The following ST6GALNAC3 variants were observed in gnomAD, a reference collection of about 807,000 sequenced individuals.
ST6GALNAC3 encodes ST6 N-acetylgalactosaminide alpha-2,6-sialyltransferase 3.
In ST6GALNAC3, 25 loss-of-function variants were observed where a neutral mutation model predicts 32.7. The ratio of observed to expected loss-of-function variants is 0.76; its 90% CI spans 0.56 to 1.07. The LOEUF (loss-of-function observed/expected upper bound fraction) is 1.07, where lower values mean the gene tolerates loss of function less well. Ranked by LOEUF, ST6GALNAC3 falls within the 50% of genes least tolerant of loss-of-function variation. The pLI is 0.00. For synonymous variants in ST6GALNAC3, 129 were observed against 133.1 expected, an observed-to-expected ratio of 0.97 and a Z score of 0.21; for missense variants, 355 against 382.4, an observed-to-expected ratio of 0.93 and a Z score of 0.60.
At chr1:76,406,093 G>A (rs1364377214) in intron 2 of ST6GALNAC3, among the ~76,000 whole-genome samples, 1 of 151,836 alleles carries the variant, frequency 6.6e-6, no homozygotes, top group Non-Finnish European at 1.5e-5. Context: ...ATAAAAACAG[G>A]CATGGTATAA....
chr1:76,094,173 A>G (rs1320587083), intron 1 of ST6GALNAC3, among the ~76,000 whole-genome samples: 1 of 152,166 alleles, frequency 6.6e-6, no homozygotes, highest in East Asian at 1.9e-4. Context: ...GGTCAGGGGA[A>G]TTGTCCATGT....
At chr1:76,561,875 T>G (rs1304651369) in intron 3 of ST6GALNAC3, among the ~76,000 whole-genome samples, 1 of 152,210 alleles carries the variant, frequency 6.6e-6, no homozygotes, top group Non-Finnish European at 1.5e-5. Context: ...AACTGATTAA[T>G]GGATTGAAAA....
intron 3 of ST6GALNAC3, among the ~76,000 whole-genome samples, chr1:76,496,158 T>A (rs1288328794): frequency 6.6e-6 from 1 of 152,150 alleles, no homozygotes; most frequent in Non-Finnish European, 1.5e-5. Flanking sequence ...TCCCTCCATA[T>A]GGAAAAATCT....
chr1:76,416,714 G>A (rs532902090), intron 3 of ST6GALNAC3, among the ~76,000 whole-genome samples: 6 of 133,996 alleles, frequency 4.5e-5, no homozygotes, highest in Middle Eastern at 5.0e-3. Context: ...TACAACCTCC[G>A]CCTCCCAGGT....
At chr1:76,405,054 G>A (rs1279702405) in intron 2 of ST6GALNAC3, among the ~76,000 whole-genome samples, 1 of 152,120 alleles carries the variant, frequency 6.6e-6, no homozygotes, top group Non-Finnish European at 1.5e-5. Context: ...TAGAAAGATA[G>A]ATTAGAGCTA....
chr1:76,451,607 T>A (rs1015401719), intron 3 of ST6GALNAC3, among the ~76,000 whole-genome samples: 1 of 152,212 alleles, frequency 6.6e-6, no homozygotes. Context: ...CAATGTTTTG[T>A]AGTTTTCTTT....
rs556156911 is a variant in ST6GALNAC3 at position 76,549,728 on chromosome 1, G to T, written c.624-77724G>T. ...TATACCTAGAAGTAAATTTACAGGG[G>T]GAAGGAGGTAGGATTGCTCTGATTT... On this transcript the variant is annotated intron_variant, in intron 3 of 4. Coordinates refer to ENST00000328299, the MANE Select transcript of ST6GALNAC3 (RefSeq NM_152996.4). Among the ~76,000 whole-genome samples the T allele has an allele frequency of 3.9e-5, 6 of 152,240 alleles. No homozygotes were observed. In the South Asian group the frequency reaches 1.0e-3, roughly 26 times the overall value.
rs9970671 is a variant in ST6GALNAC3 at position 76,629,915 on chromosome 1, G to A, written c.*1109G>A. On this transcript the variant is annotated 3_prime_UTR_variant, in exon 5 of 5. Coordinates refer to ENST00000328299, the MANE Select transcript of ST6GALNAC3 (RefSeq NM_152996.4). Reference sequence around the variant, plus strand: ...GGAAATGATTCCTTATATTAAACCTGACCAGAGCTTTTTGCCTTCTAGGGA... The same window carrying A: ...GGAAATGATTCCTTATATTAAACCTAACCAGAGCTTTTTGCCTTCTAGGGA... 138,564 of 984,590 alleles carry A rather than the reference G, an allele frequency of 0.14. 10,338 individuals are homozygous for A. The highest frequency in any genetic ancestry group is 0.23 in the Admixed American group (3,802 of 16,198). 61.0% of individuals were successfully genotyped at this position (984,590 alleles called of 1,614,324 possible). A position where few individuals can be genotyped will look rare whatever the true frequency, so the allele number is the denominator to read the frequency against.
intron 2 of ST6GALNAC3, among the ~76,000 whole-genome samples, chr1:76,380,817 A>T (rs72678003): frequency 0.03 from 4,602 of 152,322 alleles, 77 homozygotes; most frequent in Non-Finnish European, 0.042. Context: ...TGTAAAAATC[A>T]CCAGAAATTT....
intron 1 of ST6GALNAC3, among the ~76,000 whole-genome samples, chr1:76,257,605 T>C (rs1193632143): frequency 6.6e-6 from 1 of 152,152 alleles, no homozygotes; most frequent in Non-Finnish European, 1.5e-5. Flanking sequence ...CTCTTATTAC[T>C]GTGTGTATCC....
chr1:76,145,062 A>G (rs773423399), intron 1 of ST6GALNAC3, among the ~76,000 whole-genome samples: 8 of 152,182 alleles, frequency 5.3e-5, no homozygotes, highest in Non-Finnish European at 1.2e-4. Flanking sequence ...CTGAACGTCA[A>G]CCCAGGCTTG....
chr1:76,315,205 T>C, intron 2 of ST6GALNAC3, among the ~76,000 whole-genome samples: 1 of 152,156 alleles, frequency 6.6e-6, no homozygotes, highest in East Asian at 1.9e-4. Flanking sequence ...TCCTAATAAA[T>C]TGATTACCTA....
intron 1 of ST6GALNAC3, among the ~76,000 whole-genome samples, chr1:76,145,531 C>G (rs376738585): frequency 6.6e-6 from 1 of 152,190 alleles, no homozygotes; most frequent in Non-Finnish European, 1.5e-5. Context: ...GAAGCACCAG[C>G]CTGTTGAATA....
intron 3 of ST6GALNAC3, among the ~76,000 whole-genome samples, chr1:76,472,262 A>T (rs1354961838): frequency 6.6e-6 from 1 of 152,114 alleles, no homozygotes; most frequent in East Asian, 1.9e-4. Flanking sequence ...TTGTCTTTCT[A>T]TTCTGAACAA....
chr1:76,394,311 C>G (rs1189941713), intron 2 of ST6GALNAC3, among the ~76,000 whole-genome samples: 1 of 152,002 alleles, frequency 6.6e-6, no homozygotes, highest in Admixed American at 6.6e-5. Flanking sequence ...TACCTTAAGT[C>G]TTTGAGATGA....
chr1:76,315,075 T>G lies in ST6GALNAC3; in HGVS notation c.213+1076T>G, dbSNP rs182428903. On this transcript the variant is annotated intron_variant, in intron 2 of 4. Transcript: ENST00000328299. The stretch of plus-strand genomic sequence containing the variant: ...AGGATTTACAGGCCTTTATTAGAAT[T>G]TTATAGTTGAAAAAAAGCACCATTA... 2.0e-5 allele frequency among the ~76,000 whole-genome samples: 3 copies of G among 150,484 alleles called. No individual in the cohort carries two copies. The East Asian group carries it at 5.8e-4, about 29-fold the overall frequency.
intron 2 of ST6GALNAC3, among the ~76,000 whole-genome samples, chr1:76,384,665 AG>A: frequency 6.6e-6 from 1 of 152,286 alleles, no homozygotes; most frequent in East Asian, 1.9e-4. Flanking sequence ...AAATTCAATG[AG>A]TTGAAATCAC....
At chr1:76,436,343 G>A (rs1457310855) in intron 3 of ST6GALNAC3, among the ~76,000 whole-genome samples, 1 of 152,098 alleles carries the variant, frequency 6.6e-6, no homozygotes, top group African/African-American at 2.4e-5. Context: ...TTAGGAAACT[G>A]CTGGTCATTA....
intron 1 of ST6GALNAC3, among the ~76,000 whole-genome samples, chr1:76,184,519 G>GCACACACACA (rs71071992): frequency 0.067 from 9,015 of 133,848 alleles, 503 homozygotes; most frequent in East Asian, 0.14. Flanking sequence ...CTCCTGGGCA[G>GCACACACACA]CACACACACA....
Sources: allele counts gnomAD v4.1 joint callset (sites outside exome capture counted in the v4.1 genomes callset), GRCh38; gene constraint gnomAD v4.1.1; transcripts MANE v1.5; gene names NCBI Gene and HGNC (gene_info 2026-07-23, HGNC 2026-07-21).